The following CNR2 variants were observed in gnomAD, a reference collection of about 807,000 sequenced individuals.
The protein encoded by CNR2 is cannabinoid receptor 2 (macrophage).
For synonymous variants in CNR2, 172 were observed against 182.2 expected (o/e 0.94, Z 0.45); for missense variants, 379 against 439.9 (o/e 0.86, Z 1.24).
chr1:23,881,631 T>C (rs894719879), intron 1 of CNR2, among the ~76,000 whole-genome samples: 5 of 148,516 alleles, frequency 3.4e-5, no homozygotes, highest in Admixed American at 6.7e-5. Flanking sequence ...GGCTCACACC[T>C]GTAATCCCAG....
At chr1:23,896,342 C>T (rs1002909121) in intron 1 of CNR2, among the ~76,000 whole-genome samples, 5 of 152,220 alleles carry the variant, frequency 3.3e-5, no homozygotes, top group Non-Finnish European at 5.9e-5. Flanking sequence ...TCACTTCATT[C>T]ATCTCTTTCA....
chr1:23,901,948 C>T, intron 1 of CNR2: 1 of 1,603,548 alleles, frequency 6.2e-7, no homozygotes. Context: ...TCCTCTTGAT[C>T]AGGGGGAAGT....
At chr1:23,887,925 C>T (rs1244641400) in intron 1 of CNR2, among the ~76,000 whole-genome samples, 3 of 152,116 alleles carry the variant, frequency 2.0e-5, no homozygotes, top group Admixed American at 2.0e-4. Flanking sequence ...ATTTTGTAGG[C>T]TCCTTAAACT....
intron 1 of CNR2, among the ~76,000 whole-genome samples, chr1:23,894,202 C>A (rs1337748578): frequency 6.6e-6 from 1 of 150,532 alleles, no homozygotes; most frequent in Non-Finnish European, 1.5e-5. Flanking sequence ...GGGTGGATCG[C>A]CAGAGGTCAG....
chr1:23,876,298 C>A (rs1639873052), intron 1 of CNR2, among the ~76,000 whole-genome samples: 1 of 150,758 alleles, frequency 6.6e-6, no homozygotes, highest in Non-Finnish European at 1.5e-5. Context: ...CCTCTGCCTC[C>A]CAGGCACAAG....
In CNR2 at chr1:23,875,539, T is replaced by C; in HGVS notation, c.79A>G (p.Ile27Val). The change falls in exon 2 of 2, where the codon ATC becomes GTC. Residue 27 changes from isoleucine to valine, a missense_variant. By Grantham distance (29) the Ile-to-Val change is conservative. Coordinates refer to ENST00000374472, the MANE Select transcript of CNR2 (RefSeq NM_001841.3). ...GCTGTCTTCTGGGGACCACTCAGGA[T>C]CATGTAATCCTTCATAGGGTTGGAA... ...LDSNPMKDYM[I>V]LSGPQKTAVA... The C allele has an allele frequency of 6.2e-7, 1 of 1,614,068 alleles. No individual in the cohort carries two copies. Among genetic ancestry groups the C allele is most frequent in the South Asian group, 1.1e-5 (1 of 91,078 alleles).
intron 1 of CNR2, among the ~76,000 whole-genome samples, chr1:23,899,869 AAGAGAG>A (rs547194543): frequency 2.4e-3 from 12 of 5,032 alleles, no homozygotes; most frequent in South Asian, 0.17. Context: ...GAAGGAAGGA[AAGAGAG>A]AGAGAGAAAG....
chr1:23,878,632 G>C (rs1639928781), intron 1 of CNR2, among the ~76,000 whole-genome samples: 1 of 152,110 alleles, frequency 6.6e-6, no homozygotes, highest in Non-Finnish European at 1.5e-5. Flanking sequence ...GCCCACCTCG[G>C]CCTCCCAAAG....
In CNR2 at chr1:23,874,137, C is replaced by T. The variant is rs1221136973; in HGVS notation, c.*398G>A. 5.5e-6 allele frequency: 1 copy of T among 180,992 alleles called. No individual in the cohort carries two copies. Among genetic ancestry groups the T allele is most frequent in the Non-Finnish European group, 1.2e-5 (1 of 83,744 alleles). 11.2% of individuals were successfully genotyped at this position (180,992 alleles called of 1,614,324 possible). A position where few individuals can be genotyped will look rare whatever the true frequency, so the allele number is the denominator to read the frequency against. On this transcript the variant is annotated 3_prime_UTR_variant, in exon 2 of 2. Transcript: ENST00000374472. ...GCAGAGAGAAGACCTGGATGTCCAT[C>T]CCATCTGATACCCTGACTTCCCAAG... is the stretch of plus-strand genomic sequence containing the variant.
intron 1 of CNR2, among the ~76,000 whole-genome samples, chr1:23,903,249 A>G (rs1435148021): frequency 6.6e-6 from 1 of 152,134 alleles, no homozygotes; most frequent in African/African-American, 2.4e-5. Context: ...GACACATGCC[A>G]GCATCCTCAA....
intron 1 of CNR2, among the ~76,000 whole-genome samples, chr1:23,888,523 G>C (rs1640129529): frequency 6.6e-6 from 1 of 152,156 alleles, no homozygotes; most frequent in Admixed American, 6.5e-5. Context: ...GGTTGGGGTA[G>C]AAGGATTCAC....
At chr1:23,882,301 T>A (rs2148460450) in intron 1 of CNR2, among the ~76,000 whole-genome samples, 1 of 152,266 alleles carries the variant, frequency 6.6e-6, no homozygotes, top group African/African-American at 2.4e-5. Context: ...CACGCTCACG[T>A]GTGAGATGTT....
intron 1 of CNR2, among the ~76,000 whole-genome samples, chr1:23,905,567 C>T (rs2148470966): frequency 6.6e-6 from 1 of 152,032 alleles, no homozygotes; most frequent in East Asian, 1.9e-4. Context: ...AGTATCACTC[C>T]TGTTCTGTAG....
chr1:23,903,920 G>C (rs1482247092), intron 1 of CNR2, among the ~76,000 whole-genome samples: 2 of 152,194 alleles, frequency 1.3e-5, no homozygotes, highest in African/African-American at 2.4e-5. Context: ...CTGTGCCCAG[G>C]TCTGCAACTG....
At chr1:23,882,857 A>T (rs1206521772) in intron 1 of CNR2, among the ~76,000 whole-genome samples, 1 of 152,060 alleles carries the variant, frequency 6.6e-6, no homozygotes, top group Non-Finnish European at 1.5e-5. Context: ...ATACTACAAG[A>T]TAAAAAAGCC....
At chr1:23,878,034 A>T (rs1639919049) in intron 1 of CNR2, among the ~76,000 whole-genome samples, 1 of 152,228 alleles carries the variant, frequency 6.6e-6, no homozygotes, top group African/African-American at 2.4e-5. Flanking sequence ...GTGATGGAAA[A>T]CAAGAAAGAG....
chr1:23,885,118 G>T (rs1640064350), intron 1 of CNR2, among the ~76,000 whole-genome samples: 3 of 152,022 alleles, frequency 2.0e-5, no homozygotes, highest in Admixed American at 2.0e-4. Context: ...TATTAACTGA[G>T]GCTGGGTACA....
At chr1:23,898,637 GC>G (rs1170944935) in intron 1 of CNR2, among the ~76,000 whole-genome samples, 1 of 128,218 alleles carries the variant, frequency 7.8e-6, no homozygotes, top group Non-Finnish European at 1.6e-5. Context: ...ACCACGCCTG[GC>G]CAATTTTTTT....
chr1:23,906,761 A>G (rs1338415301), intron 1 of CNR2, among the ~76,000 whole-genome samples: 3 of 151,910 alleles, frequency 2.0e-5, no homozygotes, highest in Non-Finnish European at 4.4e-5. Context: ...GAGTGGTGGC[A>G]TGTGCCTGTA....
Sources: allele counts gnomAD v4.1 joint callset (sites outside exome capture counted in the v4.1 genomes callset), GRCh38; gene constraint gnomAD v4.1.1; transcripts MANE v1.5; gene names NCBI Gene and HGNC (gene_info 2026-07-23, HGNC 2026-07-21).